Variants in ROR1 observed in about 807,000 individuals in gnomAD.
ROR1 encodes the protein inactive tyrosine-protein kinase transmembrane receptor ROR1.
Under a neutral mutation model 78.8 loss-of-function variants are expected in ROR1, and 19 were observed. The observed-to-expected ratio is 0.24, with a 90% CI of 0.17 to 0.35. The LOEUF is 0.35. Ranked by LOEUF, ROR1 falls within the 10% of genes least tolerant of loss-of-function variation. The pLI is 1.00. For missense variants in ROR1, 917 were observed against 1,177.8 expected (o/e 0.78, Z 3.24); for synonymous variants, 386 against 433.6 (o/e 0.89, Z 1.36).
intron 4 of ROR1, among the ~76,000 whole-genome samples, chr1:64,061,228 A>AT (rs1233355615): frequency 1.3e-5 from 2 of 152,122 alleles, no homozygotes; most frequent in African/African-American, 4.8e-5. Flanking sequence ...TGTTCAACAC[A>AT]TTTTTACCAA....
At chr1:63,840,688 C>G (rs565985361) in intron 1 of ROR1, among the ~76,000 whole-genome samples, 19 of 152,206 alleles carry the variant, frequency 1.2e-4, no homozygotes, top group African/African-American at 4.6e-4. Context: ...CTTTTGTCTT[C>G]AACATATAAG....
chr1:63,994,114 G>A (rs1441680574), intron 1 of ROR1, among the ~76,000 whole-genome samples: 2 of 151,974 alleles, frequency 1.3e-5, no homozygotes, highest in Non-Finnish European at 2.9e-5. Context: ...AGGTTATCAT[G>A]TTTGATATGT....
chr1:63,903,730 A>G (rs983727117), intron 1 of ROR1, among the ~76,000 whole-genome samples: 2 of 151,856 alleles, frequency 1.3e-5, no homozygotes, highest in African/African-American at 2.4e-5. Flanking sequence ...AAACATAACT[A>G]TATATATCTA....
chr1:63,920,648 A>G (rs966438331), intron 1 of ROR1, among the ~76,000 whole-genome samples: 4 of 152,216 alleles, frequency 2.6e-5, no homozygotes, highest in Admixed American at 2.0e-4. Flanking sequence ...TCTGCCAAAC[A>G]TAGTTTACAT....
intron 1 of ROR1, among the ~76,000 whole-genome samples, chr1:63,884,281 C>T (rs1157531231): frequency 1.3e-5 from 2 of 152,184 alleles, no homozygotes; most frequent in Admixed American, 6.5e-5. Flanking sequence ...AGCATTCCCA[C>T]CTGCTGTTCC....
intron 4 of ROR1, among the ~76,000 whole-genome samples, chr1:64,104,600 G>T (rs1463576435): frequency 6.6e-6 from 1 of 151,302 alleles, no homozygotes; most frequent in Non-Finnish European, 1.5e-5. Flanking sequence ...CGTCCTCTAA[G>T]TTCCCTCCCC....
intron 4 of ROR1, among the ~76,000 whole-genome samples, chr1:64,093,239 T>G (rs1647218854): frequency 6.6e-6 from 1 of 152,272 alleles, no homozygotes; most frequent in South Asian, 2.1e-4. Context: ...GCCACTGCCC[T>G]TTGTAGGGTT....
chr1:64,174,822 A>G lies in ROR1; in HGVS notation c.1387-2606A>G, dbSNP rs146564874. On this transcript the variant is annotated intron_variant, in intron 8 of 8. Coordinates refer to ENST00000371079, the MANE Select transcript of ROR1 (RefSeq NM_005012.4). ...AGTAAAATCATCTGAGTGCTACAAG[A>G]CAAAAAAAGTAGGGTTGGCTCAACT... Among the ~76,000 whole-genome samples the G allele has an allele frequency of 4.8e-3, 730 of 152,206 alleles. 6 individuals carry two copies. The highest frequency in any genetic ancestry group is 0.017 in the African/African-American group (693 of 41,532).
At chr1:63,959,525 T>G (rs1218572515) in intron 1 of ROR1, among the ~76,000 whole-genome samples, 1 of 152,188 alleles carries the variant, frequency 6.6e-6, no homozygotes, top group Non-Finnish European at 1.5e-5. Flanking sequence ...CTGGGTTTCT[T>G]CCTCCTTCCT....
intron 4 of ROR1, chr1:64,094,589 GTTTTGTTTTGT>G: frequency 6.6e-6 from 1 of 152,040 alleles, no homozygotes; most frequent in Non-Finnish European, 1.5e-5. Flanking sequence ...GTTTTGTTTT[GTTTTGTTTTGT>G]TTTGTTTGAG....
At chr1:64,131,473 C>T (rs1648909784) in intron 4 of ROR1, among the ~76,000 whole-genome samples, 1 of 152,076 alleles carries the variant, frequency 6.6e-6, no homozygotes, top group African/African-American at 2.4e-5. Context: ...CACGACCTCC[C>T]CCACCTTGAG....
At chr1:63,869,885 A>AGTATCC (rs1308517857) in intron 1 of ROR1, among the ~76,000 whole-genome samples, 2 of 152,218 alleles carry the variant, frequency 1.3e-5, no homozygotes, top group African/African-American at 2.4e-5. Flanking sequence ...ACCTCACATA[A>AGTATCC]GTATCCTAAC....
chr1:64,091,254 A>G (rs1240556351), intron 4 of ROR1, among the ~76,000 whole-genome samples: 2 of 152,122 alleles, frequency 1.3e-5, no homozygotes, highest in African/African-American at 2.4e-5. Flanking sequence ...GCATCATGGG[A>G]TAAGTGTGGG....
At chr1:64,140,480 G>A in intron 6 of ROR1, 54 bp downstream of exon 6, 2 of 1,539,792 alleles carry the variant, frequency 1.3e-6, no homozygotes, top group Non-Finnish European at 1.8e-6. Context: ...CAACCTGTTG[G>A]CACAGGGAAA....
chr1:63,941,793 C>T (rs1645842908), intron 1 of ROR1, among the ~76,000 whole-genome samples: 1 of 152,128 alleles, frequency 6.6e-6, no homozygotes, highest in African/African-American at 2.4e-5. Context: ...GATACTACTA[C>T]TACCAGTACC....
intron 1 of ROR1, among the ~76,000 whole-genome samples, chr1:63,850,920 T>G (rs1432139686): frequency 6.6e-6 from 1 of 152,164 alleles, no homozygotes; most frequent in African/African-American, 2.4e-5. Flanking sequence ...GGGACCTTGC[T>G]CTCTATATCA....
intron 1 of ROR1, among the ~76,000 whole-genome samples, chr1:63,809,007 A>G (rs1218422263): frequency 2.0e-5 from 3 of 152,128 alleles, no homozygotes; most frequent in African/African-American, 7.2e-5. Flanking sequence ...TTGTCACACA[A>G]CTTGATTCAT....
At chr1:64,031,987 AC>A (rs1646663767) in intron 2 of ROR1, among the ~76,000 whole-genome samples, 1 of 151,874 alleles carries the variant, frequency 6.6e-6, no homozygotes, top group African/African-American at 2.4e-5. Context: ...GTTCAATATT[AC>A]CCCCTGGTTT....
chr1:64,008,368 T>G (rs1247701108), intron 1 of ROR1, among the ~76,000 whole-genome samples: 1 of 152,238 alleles, frequency 6.6e-6, no homozygotes, highest in African/African-American at 2.4e-5. Context: ...CCTCTGTTGA[T>G]GGGCACCTAG....
Sources: allele counts gnomAD v4.1 joint callset (sites outside exome capture counted in the v4.1 genomes callset), GRCh38; gene constraint gnomAD v4.1.1; transcripts MANE v1.5; gene names NCBI Gene and HGNC (gene_info 2026-07-23, HGNC 2026-07-21).